OSMR: variants seen among roughly 807,000 people sequenced by gnomAD.
OSMR encodes oncostatin-M-specific receptor subunit beta.
OSMR carries 81 observed loss-of-function variants against 99.9 expected under a neutral mutation model. That is an observed-to-expected ratio of 0.81 (90% confidence interval 0.68 to 0.97). The LOEUF is 0.97. Among genes scored for constraint, OSMR ranks in the 50% least tolerant of loss-of-function variants. The pLI, the probability that OSMR is intolerant of heterozygous loss-of-function variation, is 0.00. For synonymous variants in OSMR, 406 were observed against 410.4 expected (o/e 0.99, Z 0.13); for missense variants, 1,099 against 1,153.4 (o/e 0.95, Z 0.68).
At chr5:38,858,162 A>AAGT (rs1384918537) in intron 1 of OSMR, among the ~76,000 whole-genome samples, 5 of 152,152 alleles carry the variant, frequency 3.3e-5, no homozygotes, top group Non-Finnish European at 7.4e-5. Flanking sequence ...AATACACAAT[A>AAGT]TGTTGTTGTT....
chr5:38,942,736 A>C (rs1036460372), intron 1 of OSMR: 1 of 980,046 alleles, frequency 1.0e-6, no homozygotes, highest in African/African-American at 1.6e-5. Flanking sequence ...GATTGTAGGC[A>C]TGAGTCACCA....
intron 1 of OSMR, among the ~76,000 whole-genome samples, chr5:38,854,963 G>A (rs1334173916): frequency 6.6e-6 from 1 of 152,160 alleles, no homozygotes; most frequent in Non-Finnish European, 1.5e-5. Context: ...GACAGTAGTC[G>A]AGAGAGAAAG....
At chr5:38,868,872 A>G (rs958157137) in intron 1 of OSMR, 160 bp from the exon 2 acceptor site, 2 of 342,912 alleles carry the variant, frequency 5.8e-6, no homozygotes, top group African/African-American at 4.5e-5. Context: ...TAGTCTTCCT[A>G]TTTTGGGGGG....
intron 1 of OSMR, among the ~76,000 whole-genome samples, chr5:38,866,171 G>T (rs1188393827): frequency 6.6e-6 from 1 of 152,196 alleles, no homozygotes; most frequent in African/African-American, 2.4e-5. Flanking sequence ...CATGTGTGCA[G>T]GCACTAGTGA....
chr5:38,921,154 T>C (rs563339566), intron 11 of OSMR, among the ~76,000 whole-genome samples: 2 of 152,246 alleles, frequency 1.3e-5, no homozygotes, highest in East Asian at 3.9e-4. Flanking sequence ...TCAAAAAATT[T>C]TGTGGTAAAG....
chr5:38,918,134 C>G (rs1163439950), intron 10 of OSMR, among the ~76,000 whole-genome samples: 1 of 152,006 alleles, frequency 6.6e-6, no homozygotes, highest in African/African-American at 2.4e-5. Flanking sequence ...TGGTCTCAAC[C>G]TACCCCACTT....
intron 7 of OSMR, among the ~76,000 whole-genome samples, chr5:38,902,630 C>T (rs1744969302): frequency 6.6e-6 from 1 of 152,156 alleles, no homozygotes; most frequent in Admixed American, 6.5e-5. Flanking sequence ...TGGCAACAAC[C>T]CTAACTGCAC....
chr5:38,865,734 TC>T (rs1741886454), intron 1 of OSMR, among the ~76,000 whole-genome samples: 1 of 151,828 alleles, frequency 6.6e-6, no homozygotes, highest in Non-Finnish European at 1.5e-5. Context: ...TCCCTGGGCC[TC>T]CATGTGGCTT....
At chr5:38,885,995 T>G in intron 6 of OSMR, 44 bp from the exon 7 acceptor site, 1 of 1,608,188 alleles carries the variant, frequency 6.2e-7, no homozygotes, top group Non-Finnish European at 8.5e-7. Context: ...TTGACAAAAG[T>G]AAAAACCTCG....
intron 7 of OSMR, among the ~76,000 whole-genome samples, chr5:38,886,936 T>A (rs1054202257): frequency 6.6e-5 from 10 of 152,186 alleles, no homozygotes; most frequent in Admixed American, 5.9e-4. Flanking sequence ...TAATACCAAT[T>A]ATACTCCCAC....
At chr5:38,892,377 G>A (rs1001038136) in intron 7 of OSMR, among the ~76,000 whole-genome samples, 4 of 152,108 alleles carry the variant, frequency 2.6e-5, no homozygotes, top group African/African-American at 9.7e-5. Flanking sequence ...CTGGTGGCCA[G>A]CCTGCCCCAC....
chr5:38,913,032 C>G (rs974382046), intron 9 of OSMR, among the ~76,000 whole-genome samples: 1 of 152,004 alleles, frequency 6.6e-6, no homozygotes, highest in African/African-American at 2.4e-5. Context: ...TAATTTATGA[C>G]TAAGTCTTCA....
chr5:38,886,819 T>TA (rs1743810147), intron 7 of OSMR, among the ~76,000 whole-genome samples: 1 of 152,190 alleles, frequency 6.6e-6, no homozygotes, highest in African/African-American at 2.4e-5. Context: ...TATACATGTG[T>TA]CTAGTACACA....
chr5:38,875,060 G>A (rs1386043804), intron 2 of OSMR, among the ~76,000 whole-genome samples: 2 of 152,144 alleles, frequency 1.3e-5, no homozygotes, highest in Admixed American at 6.5e-5. Flanking sequence ...CCATTTAAAC[G>A]TAACGTTTGA....
At chr5:38,928,587 G>A (rs1166319613) in intron 15 of OSMR, among the ~76,000 whole-genome samples, 1 of 152,070 alleles carries the variant, frequency 6.6e-6, no homozygotes, top group East Asian at 1.9e-4. Context: ...CAGCATGGGG[G>A]TAGCCACCCC....
At chr5:38,902,642 G>A (rs898210636) in intron 7 of OSMR, among the ~76,000 whole-genome samples, 7 of 152,144 alleles carry the variant, frequency 4.6e-5, no homozygotes, top group Non-Finnish European at 8.8e-5. Flanking sequence ...TAACTGCACC[G>A]TTTGGGTCTG....
intron 7 of OSMR, among the ~76,000 whole-genome samples, chr5:38,890,074 AT>A (rs1744053007): frequency 6.6e-6 from 1 of 152,160 alleles, no homozygotes; most frequent in Non-Finnish European, 1.5e-5. Context: ...ATGAAATTTT[AT>A]TTTTTTGTTA....
chr5:38,931,041 A>C (rs1263731197), intron 15 of OSMR, among the ~76,000 whole-genome samples: 1 of 151,270 alleles, frequency 6.6e-6, no homozygotes, highest in African/African-American at 2.4e-5. Context: ...TCCCAGCTCT[A>C]TTTGTCAGGG....
At chr5:38,865,541 G>T (rs1741869311) in intron 1 of OSMR, among the ~76,000 whole-genome samples, 3 of 152,338 alleles carry the variant, frequency 2.0e-5, no homozygotes, top group African/African-American at 7.2e-5. Flanking sequence ...TTCCTTGGTG[G>T]CTTAGGCTGC....
Sources: allele counts gnomAD v4.1 joint callset (sites outside exome capture counted in the v4.1 genomes callset), GRCh38; gene constraint gnomAD v4.1.1; transcripts MANE v1.5; gene names NCBI Gene and HGNC (gene_info 2026-07-23, HGNC 2026-07-21).